TFAP2A: variants seen among roughly 807,000 people sequenced by gnomAD.
TFAP2A encodes transcription factor AP-2 alpha.
TFAP2A carries 7 observed loss-of-function variants against 41.5 expected under a neutral mutation model. The observed-to-expected ratio is 0.17, with a 90% CI of 0.10 to 0.32. The LOEUF (loss-of-function observed/expected upper bound fraction) is 0.32. Among genes scored for constraint, TFAP2A ranks in the 10% least tolerant of loss-of-function variants. The pLI, the probability that TFAP2A is intolerant of heterozygous loss-of-function variation, is 1.00. For missense variants in TFAP2A, 416 were observed against 563.3 expected, an observed-to-expected ratio of 0.74 and a Z score of 2.65; for synonymous variants, 247 against 242.8, an observed-to-expected ratio of 1.02 and a Z score of -0.16.
intron 1 of TFAP2A, 43 bp from the exon 2 acceptor site, chr6:10,410,378 C>T (rs1473479418): frequency 2.6e-6 from 4 of 1,553,734 alleles, no homozygotes; most frequent in Non-Finnish European, 3.5e-6. Context: ...AGGAATCAGG[C>T]GTCGAGCTAC....
At chr6:10,417,630 TGA>T (rs1758295658), upstream of TFAP2A, among the ~76,000 whole-genome samples, 1 of 151,986 alleles carries the variant, frequency 6.6e-6, no homozygotes, top group Non-Finnish European at 1.5e-5. Flanking sequence ...AGTATTTGTG[TGA>T]GAGACAGAGT....
upstream of TFAP2A, chr6:10,418,187 G>A (rs1274638320): frequency 6.6e-6 from 1 of 152,164 alleles, no homozygotes; most frequent in Non-Finnish European, 1.5e-5. Context: ...GCTTAACTAG[G>A]GAGAAGAATA....
chr6:10,419,408 C>G, upstream of TFAP2A: 2 of 1,609,630 alleles, frequency 1.2e-6, no homozygotes. Context: ...CCAAGGCAAA[C>G]CCCCCGTACC....
At chr6:10,404,102 G>A (rs538836744) in intron 4 of TFAP2A, among the ~76,000 whole-genome samples, 24 of 152,368 alleles carry the variant, frequency 1.6e-4, no homozygotes, top group African/African-American at 5.0e-4. Context: ...GAGCCTGAGA[G>A]GAACTTTTCC....
chr6:10,404,360 TC>T (rs1347236893), intron 4 of TFAP2A, 147 bp downstream of exon 4: 1 of 331,696 alleles, frequency 3.0e-6, no homozygotes, highest in Non-Finnish European at 5.0e-6. Flanking sequence ...CCCACTTGGC[TC>T]TACGCTCTTC....
chr6:10,400,020 T>C (rs1435983914), intron 6 of TFAP2A, among the ~76,000 whole-genome samples: 2 of 152,134 alleles, frequency 1.3e-5, no homozygotes, highest in Non-Finnish European at 2.9e-5. Flanking sequence ...GGACAGCTTC[T>C]GGCTTGCACA....
upstream of TFAP2A, among the ~76,000 whole-genome samples, chr6:10,416,657 T>C (rs1758255215): frequency 6.6e-6 from 1 of 152,150 alleles, no homozygotes. Flanking sequence ...CTCCCATATT[T>C]CCACCGGGCG....
Position 10,410,114 on chromosome 6 carries a change from C to A in TFAP2A, c.273G>T (p.Pro91=). Residue 91 remains proline (P), a synonymous_variant, in exon 2 of 7, where the codon CCG becomes CCT. Coordinates refer to ENST00000379613, the MANE Select transcript of TFAP2A (RefSeq NM_001372066.1). ...PYSLNPLHAQ[P]QPQHPGWPGQ... ...CGGGCCAGCCTGGGTGCTGCGGCTG[C>A]GGCTGGGCGTGCAGGGGGTTCAGGC... 6.2e-7 allele frequency: 1 copy of A among 1,608,970 alleles called. No homozygotes were observed. The highest frequency in any genetic ancestry group is 8.5e-7 in the Non-Finnish European group (1 of 1,178,316).
rs201606941 is a variant in TFAP2A, at chr6:10,400,413, G to A, written c.1031+35C>T. 1.1e-5 allele frequency: 18 copies of A among 1,614,002 alleles called. No homozygotes were observed. In the Admixed American group the frequency reaches 1.5e-4, roughly 13 times the overall value. On this transcript the variant is annotated intron_variant, in intron 6 of 6. Coordinates refer to ENST00000379613, the MANE Select transcript of TFAP2A (RefSeq NM_001372066.1). ...TTTTGTTTCTCTTTCTCTTGACAAC[G>A]AGACACAGAGACCCCATAGAGGTAA...
In TFAP2A at chr6:10,415,074, C is replaced by G. The variant is rs1800927; in HGVS notation, c.-83G>C. On this transcript the variant is annotated 5_prime_UTR_variant, in exon 1 of 7. Coordinates refer to ENST00000379613, the MANE Select transcript of TFAP2A (RefSeq NM_001372066.1). ...TGGGTGAGCGCAAAGTGCTGGCTGC[C>G]GGCGGTGAGCGCAGGAGGAGGAGGA... 62,325 of 1,611,496 alleles carry G rather than the reference C, an allele frequency of 0.039. 3,566 individuals are homozygous for G. The highest frequency in any genetic ancestry group is 0.27 in the East Asian group (12,243 of 44,780).
At chr6:10,404,888 C>T in intron 3 of TFAP2A, 149 bp from the exon 4 acceptor site, 1 of 710,626 alleles carries the variant, frequency 1.4e-6, no homozygotes, top group Non-Finnish European at 2.3e-6. Context: ...TTCTGTGGCT[C>T]TGCTACTTCC....
At chr6:10,411,450 G>T (rs576123066) in intron 1 of TFAP2A, 2 of 1,568,484 alleles carry the variant, frequency 1.3e-6, no homozygotes, top group Admixed American at 1.7e-5. Context: ...GATGCAAATG[G>T]AGAGGGTGTC....
intron 1 of TFAP2A, chr6:10,412,778 C>G (rs972590362): frequency 2.2e-5 from 5 of 223,316 alleles, no homozygotes; most frequent in African/African-American, 1.2e-4. Flanking sequence ...CGCGGCTCCT[C>G]CATGACCCGG....
chr6:10,412,933 G>A (rs1277392834), intron 1 of TFAP2A: 1 of 152,734 alleles, frequency 6.5e-6, no homozygotes, highest in Non-Finnish European at 1.5e-5. Flanking sequence ...CGGATCGGGA[G>A]CCGGGATGCG....
At chr6:10,414,844 C>T (rs1279786376) in intron 1 of TFAP2A, 97 bp downstream of exon 1, 83 of 1,538,740 alleles carry the variant, frequency 5.4e-5, no homozygotes, top group Non-Finnish European at 7.3e-5. Context: ...TTGTCCCACC[C>T]GCGTTTCGCA....
At chr6:10,419,329 C>G (rs1039533291), upstream of TFAP2A, 1 of 1,508,074 alleles carries the variant, frequency 6.6e-7, no homozygotes, top group African/African-American at 1.4e-5. Context: ...CCCTGGGCCA[C>G]GGCGCTTCCT....
chr6:10,419,150 C>A (rs1016868224), upstream of TFAP2A, among the ~76,000 whole-genome samples: 9 of 152,164 alleles, frequency 5.9e-5, no homozygotes, highest in Admixed American at 2.6e-4. Flanking sequence ...AAGTGACCCA[C>A]CAGGCCACCT....
At position 10,404,485 on chromosome 6, in the gene TFAP2A, G is replaced by A. The variant is rs755377601; in HGVS notation, c.770+23C>T. On this transcript the variant is annotated intron_variant, in intron 4 of 6. Coordinates refer to ENST00000379613, the MANE Select transcript of TFAP2A (RefSeq NM_001372066.1). The stretch of plus-strand genomic sequence containing the variant: ...GTTCCCCCGGCCGCGGGGCGGGGCG[G>A]GCGGGGCCGTGCCGGGCCTCACCTC... The A allele has an allele frequency of 2.6e-6, 4 of 1,527,632 alleles. No individual in the cohort carries two copies. The African/African-American group carries it at 4.2e-5, about 16-fold the overall frequency. The allele number at this position is 1,527,632 out of a possible 1,614,324, so 94.6% of individuals were successfully genotyped here.
intron 1 of TFAP2A, among the ~76,000 whole-genome samples, chr6:10,413,713 T>G (rs575166793): frequency 1.3e-5 from 2 of 152,130 alleles, no homozygotes; most frequent in South Asian, 4.1e-4. Flanking sequence ...GAGAACGATT[T>G]AAAATAATCT....
Sources: gnomAD v4.1 joint callset for allele counts (sites outside exome capture counted in the v4.1 genomes callset) on GRCh38, gnomAD v4.1.1 for gene constraint, MANE v1.5 for transcripts, NCBI Gene and HGNC (gene_info 2026-07-23, HGNC 2026-07-21) for gene names.